UGT1A6: variants seen among roughly 807,000 people sequenced by gnomAD.
The protein encoded by UGT1A6 is UDP-glucuronosyltransferase 1A6.
Under a neutral mutation model 44.4 loss-of-function variants are expected in UGT1A6, and 32 were observed. The observed-to-expected ratio is 0.72, with a 90% CI of 0.54 to 0.97. The LOEUF is 0.97. Among genes scored for constraint, UGT1A6 ranks in the 50% least tolerant of loss-of-function variants. The probability of loss-of-function intolerance (pLI) is 0.00; values close to 1 mark genes in which losing one functional copy is unlikely to be tolerated. For synonymous variants in UGT1A6, 238 were observed against 248.5 expected (o/e 0.96, Z 0.40); for missense variants, 685 against 661.9 (o/e 1.03, Z -0.38).
intron 1 of UGT1A6, chr2:233,753,301 C>T (rs1695176725): frequency 6.6e-6 from 1 of 152,212 alleles, no homozygotes; most frequent in East Asian, 1.9e-4. Flanking sequence ...TGTGAGACCC[C>T]GTGTGCCCCT....
intron 1 of UGT1A6, among the ~76,000 whole-genome samples, chr2:233,749,315 G>T (rs2125898237): frequency 6.6e-6 from 1 of 151,862 alleles, no homozygotes; most frequent in Middle Eastern, 3.4e-3. Flanking sequence ...GTGTTTATTA[G>T]ATTTGTAACA....
intron 1 of UGT1A6, among the ~76,000 whole-genome samples, chr2:233,749,052 C>A (rs1694096242): frequency 6.6e-6 from 1 of 151,690 alleles, no homozygotes; most frequent in Admixed American, 6.6e-5. Flanking sequence ...TACTCTGGGA[C>A]CTGAATATTG....
intron 1 of UGT1A6, among the ~76,000 whole-genome samples, chr2:233,751,256 G>C (rs772853409): frequency 1.3e-5 from 2 of 151,926 alleles, no homozygotes; most frequent in South Asian, 4.1e-4. Context: ...CATGGGGCCT[G>C]TAGCCCCCTT....
chr2:233,755,316 A>C, intron 1 of UGT1A6: 1 of 530,882 alleles, frequency 1.9e-6, no homozygotes, highest in Admixed American at 3.3e-5. Context: ...GCGAGCGGCA[A>C]GGCTGCCAGC....
At chr2:233,766,273 TGGCCCGGGCTCG>T (rs1203864514) in intron 1 of UGT1A6, among the ~76,000 whole-genome samples, 2 of 151,808 alleles carry the variant, frequency 1.3e-5, no homozygotes, top group Non-Finnish European at 2.9e-5. Context: ...CCGGGCTCGG[TGGCCCGGGCTCG>T]GTGGCCTGGG....
intron 1 of UGT1A6, among the ~76,000 whole-genome samples, chr2:233,744,317 G>C (rs1444655221): frequency 6.6e-6 from 1 of 151,846 alleles, no homozygotes; most frequent in East Asian, 1.9e-4. Flanking sequence ...GAAGAGGGTG[G>C]TGGGAGTGAG....
In UGT1A6 at chr2:233,768,256, G is replaced by A; in HGVS notation, c.1118G>A (p.Gly373Asp). Residue 373 changes from glycine (G) to aspartate (D), a missense_variant, in exon 4 of 5, where the codon GGT (glycine) becomes GAT (aspartate). Coordinates refer to ENST00000305139, the MANE Select transcript of UGT1A6 (RefSeq NM_001072.4). ...ACCCGTGCCTTTATCACCCATGCTGGTTCCCATGGTGTTTATGAAAGCATA... is the reference window on the plus strand; with the variant it reads ...ACCCGTGCCTTTATCACCCATGCTGATTCCCATGGTGTTTATGAAAGCATA... ...PMTRAFITHA[G>D]SHGVYESICN... 5 of 1,614,130 alleles carry A rather than the reference G, an allele frequency of 3.1e-6. No individual in the cohort carries two copies. The highest frequency in any genetic ancestry group is 4.2e-6 in the Non-Finnish European group (5 of 1,180,030).
chr2:233,697,173 G>A (rs981412328), intron 1 of UGT1A6, among the ~76,000 whole-genome samples: 1 of 152,010 alleles, frequency 6.6e-6, no homozygotes, highest in Non-Finnish European at 1.5e-5. Context: ...TTTTAAAAAT[G>A]GTTGGTAGAA....
intron 1 of UGT1A6, among the ~76,000 whole-genome samples, chr2:233,695,045 A>G (rs2075255469): frequency 6.6e-6 from 1 of 152,000 alleles, no homozygotes; most frequent in African/African-American, 2.4e-5. Context: ...TGTTAACCAT[A>G]GTCACCCTAC....
intron 1 of UGT1A6, chr2:233,717,933 C>G (rs1291638517): frequency 2.2e-6 from 1 of 454,480 alleles, no homozygotes; most frequent in Non-Finnish European, 4.4e-6. Context: ...ATACTTCAGT[C>G]TCTATGCAGA....
chr2:233,695,229 G>A (rs1218832857), intron 1 of UGT1A6, among the ~76,000 whole-genome samples: 1 of 151,334 alleles, frequency 6.6e-6, no homozygotes. Context: ...GGGTTCAAGC[G>A]ATTCTCCTGC....
chr2:233,706,586 G>A (rs992112289), intron 1 of UGT1A6, among the ~76,000 whole-genome samples: 1 of 152,142 alleles, frequency 6.6e-6, no homozygotes, highest in Non-Finnish European at 1.5e-5. Flanking sequence ...GGAGATGGGA[G>A]GTGGACCTAA....
chr2:233,729,337 G>C (rs775234844), intron 1 of UGT1A6: 11 of 1,614,232 alleles, frequency 6.8e-6, no homozygotes, highest in African/African-American at 5.3e-5. Context: ...GCACATCAAA[G>C]AAGAGAACTT....
chr2:233,739,629 T>G (rs1457443905), intron 1 of UGT1A6, among the ~76,000 whole-genome samples: 1 of 152,190 alleles, frequency 6.6e-6, no homozygotes, highest in Non-Finnish European at 1.5e-5. Flanking sequence ...CCATTTGAAA[T>G]GGGAACATTT....
At chr2:233,755,683 G>C (rs1398080072) in intron 1 of UGT1A6, 1 of 157,220 alleles carries the variant, frequency 6.4e-6, no homozygotes, top group Non-Finnish European at 1.4e-5. Context: ...AGTGAGTTTA[G>C]TCTGACCGGG....
chr2:233,721,491 G>A (rs1273108761), intron 1 of UGT1A6: 2 of 174,316 alleles, frequency 1.1e-5, no homozygotes, highest in East Asian at 1.8e-4. Flanking sequence ...TATTATTTTA[G>A]TTTAATTGCA....
chr2:233,754,879 C>T (rs1695622753), intron 1 of UGT1A6: 1 of 1,352,088 alleles, frequency 7.4e-7, no homozygotes, highest in South Asian at 1.1e-5. Flanking sequence ...CTTCTGCTTC[C>T]CAGGGAGTTC....
intron 1 of UGT1A6, among the ~76,000 whole-genome samples, chr2:233,740,527 G>T (rs1691411320): frequency 1.3e-5 from 2 of 151,834 alleles, no homozygotes; most frequent in African/African-American, 4.9e-5. Flanking sequence ...ACTAAAATCA[G>T]CTGTGTTGAA....
At chr2:233,724,729 A>G (rs1205720342) in intron 1 of UGT1A6, among the ~76,000 whole-genome samples, 1 of 143,524 alleles carries the variant, frequency 7.0e-6, no homozygotes, top group Non-Finnish European at 1.5e-5. Flanking sequence ...GCAGCCAGGC[A>G]GAGGGGCTCC....
Sources: allele counts gnomAD v4.1 joint callset (sites outside exome capture counted in the v4.1 genomes callset), GRCh38; gene constraint gnomAD v4.1.1; transcripts MANE v1.5; gene names NCBI Gene and HGNC (gene_info 2026-07-23, HGNC 2026-07-21).